FAM163A: variants seen among roughly 807,000 people sequenced by gnomAD.
FAM163A encodes protein FAM163A.
FAM163A carries 7 observed loss-of-function variants against 12.0 expected under a neutral mutation model. That is an observed-to-expected ratio of 0.58 (90% CI 0.33 to 1.10). FAM163A has a LOEUF of 1.10. Ranked by LOEUF, FAM163A falls within the 50% of genes least tolerant of loss-of-function variation. FAM163A has a pLI of 0.03. For synonymous variants in FAM163A, 101 were observed against 91.0 expected, an observed-to-expected ratio of 1.11 and a Z score of -0.62; for missense variants, 202 against 218.6, an observed-to-expected ratio of 0.92 and a Z score of 0.48.
chr1:179,772,438 C>T (rs1241108236), intron 1 of FAM163A, among the ~76,000 whole-genome samples: 2 of 152,180 alleles, frequency 1.3e-5, no homozygotes, highest in African/African-American at 4.8e-5. Flanking sequence ...ATTTAAAGTT[C>T]TTAAAGTAGA....
chr1:179,799,056 G>C (rs1285810058), intron 1 of FAM163A, among the ~76,000 whole-genome samples: 3 of 151,946 alleles, frequency 2.0e-5, no homozygotes, highest in African/African-American at 7.3e-5. Flanking sequence ...CAAGCTCTCT[G>C]TCCCTTCAGT....
intron 1 of FAM163A, among the ~76,000 whole-genome samples, chr1:179,757,803 C>T (rs1269132127): frequency 6.9e-6 from 1 of 144,908 alleles, no homozygotes; most frequent in Admixed American, 6.9e-5. Context: ...CAAAGCGAGA[C>T]TGTCTCAAAA....
chr1:179,746,338 C>T (rs1199714745), intron 1 of FAM163A, among the ~76,000 whole-genome samples: 1 of 152,206 alleles, frequency 6.6e-6, no homozygotes, highest in Non-Finnish European at 1.5e-5. Flanking sequence ...GAAAGAACAA[C>T]TTACATGCTT....
chr1:179,796,312 A>C (rs1175462319), intron 1 of FAM163A, among the ~76,000 whole-genome samples: 4 of 152,132 alleles, frequency 2.6e-5, no homozygotes. Flanking sequence ...TTATAATTAC[A>C]ACTCACAAAA....
At chr1:179,783,732 AATTGAGCCCAAATAT>A (rs1401775940) in intron 1 of FAM163A, among the ~76,000 whole-genome samples, 3,273 of 75,930 alleles carry the variant, frequency 0.043, 113 homozygotes, top group African/African-American at 0.18. Flanking sequence ...AATTTTATAT[AATTGAGCCCAAATAT>A]TATATATATA....
chr1:179,775,295 A>T (rs1688798453), intron 1 of FAM163A, among the ~76,000 whole-genome samples: 1 of 152,124 alleles, frequency 6.6e-6, no homozygotes, highest in African/African-American at 2.4e-5. Flanking sequence ...AACCAATCAG[A>T]GGCTAAGGTG....
At chr1:179,754,107 TC>T (rs1685676217) in intron 1 of FAM163A, among the ~76,000 whole-genome samples, 1 of 152,150 alleles carries the variant, frequency 6.6e-6, no homozygotes, top group Non-Finnish European at 1.5e-5. Context: ...TTGTCTTACT[TC>T]CCATCTCTGA....
chr1:179,785,111 C>T (rs575266711), intron 1 of FAM163A, among the ~76,000 whole-genome samples: 13 of 152,178 alleles, frequency 8.5e-5, no homozygotes, highest in Non-Finnish European at 1.9e-4. Context: ...TAATTCAGTG[C>T]GTCAGGAAGG....
the FAM163A span, among the ~76,000 whole-genome samples, chr1:179,730,838 A>T: frequency 1.3e-5 from 2 of 152,234 alleles, no homozygotes; most frequent in African/African-American, 2.4e-5. Flanking sequence ...AATAGATGGC[A>T]TACAAAGCTC....
At chr1:179,729,099 T>G in the FAM163A span, among the ~76,000 whole-genome samples, 2 of 152,198 alleles carry the variant, frequency 1.3e-5, no homozygotes, top group Non-Finnish European at 2.9e-5. Context: ...ATACTGAGGC[T>G]TCTCTTCTTG....
intron 1 of FAM163A, among the ~76,000 whole-genome samples, chr1:179,764,450 A>G (rs1389097576): frequency 6.6e-6 from 1 of 152,188 alleles, no homozygotes; most frequent in Non-Finnish European, 1.5e-5. Flanking sequence ...GCAACCTCTC[A>G]TTCAGTGCTC....
At chr1:179,767,035 C>T (rs560394451) in intron 1 of FAM163A, among the ~76,000 whole-genome samples, 1 of 152,328 alleles carries the variant, frequency 6.6e-6, no homozygotes, top group East Asian at 1.9e-4. Flanking sequence ...GGATTACAGA[C>T]ATGAACCACC....
At chr1:179,777,852 G>A (rs535197006) in intron 1 of FAM163A, among the ~76,000 whole-genome samples, 62 of 152,262 alleles carry the variant, frequency 4.1e-4, no homozygotes, top group South Asian at 2.5e-3. Context: ...CACGTTGGTT[G>A]CTAAGAAGCT....
chr1:179,774,533 A>G (rs141576767), intron 1 of FAM163A, among the ~76,000 whole-genome samples: 12 of 152,334 alleles, frequency 7.9e-5, no homozygotes, highest in African/African-American at 2.9e-4. Flanking sequence ...GCAGCTGAGA[A>G]TGATCCCCAG....
intron 3 of FAM163A, 79 bp from the exon 4 acceptor site, chr1:179,812,997 C>T (rs761454122): frequency 8.5e-5 from 114 of 1,343,476 alleles, no homozygotes; most frequent in Non-Finnish European, 1.1e-4. Flanking sequence ...AGCCTCGGGG[C>T]AGTTCCAGGA....
the FAM163A span, among the ~76,000 whole-genome samples, chr1:179,730,850 A>G: frequency 1.3e-5 from 2 of 152,238 alleles, no homozygotes; most frequent in Admixed American, 6.5e-5. Flanking sequence ...ACAAAGCTCA[A>G]AATCAGTGTT....
intron 1 of FAM163A, among the ~76,000 whole-genome samples, chr1:179,759,606 G>A (rs1322706119): frequency 6.6e-6 from 1 of 152,142 alleles, no homozygotes; most frequent in Non-Finnish European, 1.5e-5. Context: ...CTCATAGGCT[G>A]CAGATAGGGA....
chr1:179,773,994 G>A (rs1688611944), intron 1 of FAM163A, among the ~76,000 whole-genome samples: 1 of 152,256 alleles, frequency 6.6e-6, no homozygotes, highest in Admixed American at 6.5e-5. Flanking sequence ...TGACTGCAGT[G>A]AGAGCAGGAA....
intron 1 of FAM163A, among the ~76,000 whole-genome samples, chr1:179,763,616 G>A (rs922812807): frequency 1.3e-5 from 2 of 152,150 alleles, no homozygotes; most frequent in African/African-American, 4.8e-5. Context: ...GTCTAATAAG[G>A]TTAATCAGGA....
Sources: allele counts gnomAD v4.1 joint callset (sites outside exome capture counted in the v4.1 genomes callset), GRCh38; gene constraint gnomAD v4.1.1; transcripts MANE v1.5; gene names NCBI Gene and HGNC (gene_info 2026-07-23, HGNC 2026-07-21).